MCTP1: variants seen among roughly 807,000 people sequenced by gnomAD.
MCTP1 encodes the protein multiple C2 and transmembrane domain-containing protein 1.
MCTP1 carries 69 observed loss-of-function variants against 120.6 expected under a neutral mutation model. The ratio of observed to expected loss-of-function variants is 0.57; its 90% confidence interval spans 0.47 to 0.70. MCTP1 has a LOEUF of 0.70. MCTP1 is among the 30% of genes least tolerant of loss of function. The pLI is 0.00. For missense variants in MCTP1, 1,203 were observed against 1,248.8 expected, an observed-to-expected ratio of 0.96 and a Z score of 0.55; for synonymous variants, 529 against 493.1, an observed-to-expected ratio of 1.07 and a Z score of -0.96.
intron 1 of MCTP1, among the ~76,000 whole-genome samples, chr5:95,072,740 A>ATTTTTTTTTTTTTTTTTTTTTTTTTTTT (rs11421165): frequency 2.1e-5 from 2 of 95,282 alleles, no homozygotes; most frequent in African/African-American, 4.3e-5. Flanking sequence ...CTTAGCAACT[A>ATTTTTTTTTTTTTTTTTTTTTTTTTTTT]TTTTTTTTTT....
intron 2 of MCTP1, chr5:94,979,299 GAC>G (rs1828871454): frequency 6.6e-6 from 1 of 152,094 alleles, no homozygotes; most frequent in South Asian, 2.1e-4. Flanking sequence ...TGTATAGGGA[GAC>G]TGTAGGCAGA....
chr5:95,019,922 T>C (rs1581873790), intron 1 of MCTP1, among the ~76,000 whole-genome samples: 1 of 152,128 alleles, frequency 6.6e-6, no homozygotes, highest in Non-Finnish European at 1.5e-5. Flanking sequence ...GTGGGTCTAA[T>C]TAATAAGCAA....
At chr5:95,049,418 T>A (rs1268350143) in intron 1 of MCTP1, among the ~76,000 whole-genome samples, 1 of 152,104 alleles carries the variant, frequency 6.6e-6, no homozygotes, top group Non-Finnish European at 1.5e-5. Context: ...ATTCAGAATA[T>A]CATAAAGACT....
chr5:94,910,152 A>G (rs553574525), intron 9 of MCTP1, among the ~76,000 whole-genome samples: 3 of 151,638 alleles, frequency 2.0e-5, no homozygotes, highest in Non-Finnish European at 4.4e-5. Context: ...ATGAGTATAT[A>G]CATATGTATA....
intron 2 of MCTP1, among the ~76,000 whole-genome samples, chr5:95,015,397 G>A (rs1836899807): frequency 6.6e-6 from 1 of 151,942 alleles, no homozygotes; most frequent in South Asian, 2.1e-4. Context: ...TATTGTCATA[G>A]TTAAAGACTT....
intron 12 of MCTP1, among the ~76,000 whole-genome samples, chr5:94,880,736 G>A (rs1799875246): frequency 1.3e-5 from 2 of 152,128 alleles, no homozygotes; most frequent in African/African-American, 4.8e-5. Context: ...TTTTAGTAAT[G>A]TGGAAATCAT....
intron 1 of MCTP1, among the ~76,000 whole-genome samples, chr5:95,177,801 G>A (rs1318194734): frequency 1.3e-5 from 2 of 152,184 alleles, no homozygotes; most frequent in African/African-American, 4.8e-5. Flanking sequence ...ACCCAAGCTG[G>A]TTGAGATCAT....
intron 19 of MCTP1, among the ~76,000 whole-genome samples, chr5:94,726,383 T>G (rs933269446): frequency 6.6e-6 from 1 of 152,240 alleles, no homozygotes; most frequent in Non-Finnish European, 1.5e-5. Context: ...GTTAAAACTA[T>G]CAGAATCAGC....
At chr5:94,914,248 A>G (rs1327597211) in intron 8 of MCTP1, among the ~76,000 whole-genome samples, 6 of 152,228 alleles carry the variant, frequency 3.9e-5, no homozygotes, top group Non-Finnish European at 7.3e-5. Context: ...GAAATTCAAC[A>G]TTCCTCTCAA....
intron 19 of MCTP1, among the ~76,000 whole-genome samples, chr5:94,762,651 C>T (rs1007192631): frequency 1.3e-5 from 2 of 152,212 alleles, no homozygotes; most frequent in Admixed American, 1.3e-4. Context: ...GCCTAAGTGT[C>T]ACCTCTACAT....
intron 3 of MCTP1, among the ~76,000 whole-genome samples, chr5:94,945,680 G>C (rs1301801632): frequency 1.3e-5 from 2 of 152,172 alleles, no homozygotes; most frequent in East Asian, 3.9e-4. Context: ...AAGTAGCAGT[G>C]ATAAATGTTA....
intron 8 of MCTP1, among the ~76,000 whole-genome samples, chr5:94,913,284 T>C (rs1809258911): frequency 6.6e-6 from 1 of 152,222 alleles, no homozygotes; most frequent in South Asian, 2.1e-4. Flanking sequence ...GTGTGCCAAA[T>C]AGGCTTATGC....
rs192916175 is a variant in MCTP1 at position 94,914,378 on chromosome 5, C to A, written c.1351-1402G>T. On this transcript the variant is annotated intron_variant, in intron 8 of 22. Coordinates refer to ENST00000515393, the MANE Select transcript of MCTP1 (RefSeq NM_024717.7). ...TCTGCCTCCCACTTTGACTTCCTAC[C>A]TTTTTCCATACCAGAGCAACGCCAT... is the stretch of plus-strand genomic sequence containing the variant. Among the ~76,000 whole-genome samples, 607 of 152,244 alleles carry A rather than the reference C, an allele frequency of 4.0e-3. 4 individuals are homozygous for A. Among genetic ancestry groups the A allele is most frequent in the African/African-American group, 0.014 (576 of 41,552 alleles).
chr5:94,978,750 C>G (rs1011743620), intron 2 of MCTP1, among the ~76,000 whole-genome samples: 1 of 152,120 alleles, frequency 6.6e-6, no homozygotes, highest in South Asian at 2.1e-4. Context: ...CTCAATTACA[C>G]AAGATGAATA....
chr5:94,719,418 A>G (rs1482780820), intron 19 of MCTP1, among the ~76,000 whole-genome samples: 1 of 152,196 alleles, frequency 6.6e-6, no homozygotes, highest in Non-Finnish European at 1.5e-5. Context: ...CAAATGACCA[A>G]CAATGCATAA....
In MCTP1 at chr5:94,868,123, C is replaced by T. The variant is rs371517224; in HGVS notation, c.2436+210G>A. ...ACATTGGCTGAGATGTCTTGCGTTC[C>T]GGAAATCTGAGGGGGGAAAATGTAT... is the stretch of plus-strand genomic sequence containing the variant. On this transcript the variant is annotated intron_variant, in intron 17 of 22. Coordinates refer to ENST00000515393, the MANE Select transcript of MCTP1 (RefSeq NM_024717.7). 4.9e-4 allele frequency: 185 copies of T among 379,260 alleles called. 1 individual carries two copies. The East Asian group carries it at 5.6e-3, about 12-fold the overall frequency. 23.5% of individuals were successfully genotyped at this position (379,260 alleles called of 1,614,324 possible). A position where few individuals can be genotyped will look rare whatever the true frequency, so the allele number is the denominator to read the frequency against.
chr5:95,274,973 G>A (rs907430598), intron 1 of MCTP1, among the ~76,000 whole-genome samples: 11 of 151,938 alleles, frequency 7.2e-5, no homozygotes, highest in Admixed American at 1.3e-4. Flanking sequence ...ACATACCCCC[G>A]CAACCACTGC....
intron 2 of MCTP1, among the ~76,000 whole-genome samples, chr5:95,011,380 C>T (rs1357300555): frequency 6.6e-6 from 1 of 152,076 alleles, no homozygotes; most frequent in Non-Finnish European, 1.5e-5. Flanking sequence ...TATTTATCAG[C>T]TCAAAGATAT....
At chr5:95,065,337 C>T (rs1464096725) in intron 1 of MCTP1, among the ~76,000 whole-genome samples, 3 of 151,752 alleles carry the variant, frequency 2.0e-5, no homozygotes, top group Non-Finnish European at 4.4e-5. Context: ...AAATCTCAAT[C>T]ACAAATATAT....
Sources: allele counts gnomAD v4.1 joint callset (sites outside exome capture counted in the v4.1 genomes callset), GRCh38; gene constraint gnomAD v4.1.1; transcripts MANE v1.5; gene names NCBI Gene and HGNC (gene_info 2026-07-23, HGNC 2026-07-21).